PLCB4: variants seen among roughly 807,000 people sequenced by gnomAD.
PLCB4 encodes 1-phosphatidylinositol 4,5-bisphosphate phosphodiesterase beta-4.
Under a neutral mutation model 178.8 loss-of-function variants are expected in PLCB4, and 77 were observed. The observed-to-expected ratio is 0.43, with a 90% CI of 0.36 to 0.52. PLCB4 has a LOEUF of 0.52. PLCB4 is among the 20% of genes least tolerant of loss of function. The pLI is 0.00. For synonymous variants in PLCB4, 496 were observed against 490.8 expected (o/e 1.01, Z -0.14); for missense variants, 1,024 against 1,453.4 (o/e 0.70, Z 4.80).
intron 2 of PLCB4, among the ~76,000 whole-genome samples, chr20:9,164,865 G>A (rs2092944422): frequency 1.3e-5 from 2 of 152,132 alleles, no homozygotes; most frequent in African/African-American, 4.8e-5. Flanking sequence ...TGAGACTGAT[G>A]GAAACGTTTG....
intron 20 of PLCB4, among the ~76,000 whole-genome samples, chr20:9,403,074 A>G (rs1018443461): frequency 2.6e-5 from 4 of 152,180 alleles, no homozygotes; most frequent in African/African-American, 9.7e-5. Context: ...GGTTTGTGAC[A>G]TGTCAAGAGC....
intron 3 of PLCB4, among the ~76,000 whole-genome samples, chr20:9,257,523 C>T (rs1218846321): frequency 6.6e-6 from 1 of 152,158 alleles, no homozygotes; most frequent in Non-Finnish European, 1.5e-5. Context: ...ATTCTGAAAA[C>T]TGCAGTAAGA....
chr20:9,378,195 A>G, intron 12 of PLCB4, among the ~76,000 whole-genome samples: 1 of 151,960 alleles, frequency 6.6e-6, no homozygotes, highest in Non-Finnish European at 1.5e-5. Context: ...TCATTTTTTA[A>G]TTCATATGGA....
chr20:9,280,950 A>G (rs75981285), intron 3 of PLCB4, among the ~76,000 whole-genome samples: 1 of 117,952 alleles, frequency 8.5e-6, no homozygotes, highest in African/African-American at 4.2e-5. Context: ...CATCTGCTAC[A>G]AAAAAAAAAA....
intron 1 of PLCB4, among the ~76,000 whole-genome samples, chr20:9,076,048 C>T (rs1185927323): frequency 2.0e-5 from 3 of 152,072 alleles, no homozygotes; most frequent in Non-Finnish European, 4.4e-5. Context: ...ACATAGATTT[C>T]AGATTCTGAA....
At chr20:9,278,582 A>C (rs2094469073) in intron 3 of PLCB4, among the ~76,000 whole-genome samples, 1 of 152,076 alleles carries the variant, frequency 6.6e-6, no homozygotes, top group Non-Finnish European at 1.5e-5. Context: ...AACTCATGGC[A>C]TGCTTTACTA....
intron 2 of PLCB4, among the ~76,000 whole-genome samples, chr20:9,156,708 G>A (rs181908674): frequency 2.6e-5 from 4 of 152,164 alleles, no homozygotes; most frequent in African/African-American, 4.8e-5. Context: ...CAATCAGATC[G>A]TATTATCTGT....
chr20:9,285,194 A>G (rs1370572958), intron 3 of PLCB4, among the ~76,000 whole-genome samples: 2 of 151,610 alleles, frequency 1.3e-5, no homozygotes, highest in Non-Finnish European at 2.9e-5. Context: ...AGAAATTTTT[A>G]GCATTTTAAA....
chr20:9,201,239 A>C (rs941534347), intron 2 of PLCB4, among the ~76,000 whole-genome samples: 4 of 152,168 alleles, frequency 2.6e-5, no homozygotes, highest in Non-Finnish European at 4.4e-5. Flanking sequence ...TTTGCAATTA[A>C]ATTTAAACTA....
chr20:9,380,243 C>T (rs1178932666), intron 13 of PLCB4, 81 bp downstream of exon 13: 15 of 692,378 alleles, frequency 2.2e-5, no homozygotes, highest in Non-Finnish European at 4.9e-6. Flanking sequence ...TTAAAGGTAT[C>T]TGTAAATGCT....
At chr20:9,386,034 C>T (rs2037616628) in intron 14 of PLCB4, among the ~76,000 whole-genome samples, 1 of 152,230 alleles carries the variant, frequency 6.6e-6, no homozygotes, top group Admixed American at 6.5e-5. Context: ...TGGCAGACCA[C>T]TCGAGGTCAG....
chr20:9,138,238 G>A (rs1443784316), intron 2 of PLCB4, among the ~76,000 whole-genome samples: 1 of 152,058 alleles, frequency 6.6e-6, no homozygotes. Flanking sequence ...GTGGCCTTTG[G>A]AGAAATGCCT....
intron 3 of PLCB4, among the ~76,000 whole-genome samples, chr20:9,273,084 A>G (rs2147632893): frequency 6.6e-6 from 1 of 152,256 alleles, no homozygotes. Context: ...TATACTTATT[A>G]GAAAATAAAC....
At chr20:9,255,085 T>G (rs1380383265) in intron 3 of PLCB4, among the ~76,000 whole-genome samples, 1 of 152,204 alleles carries the variant, frequency 6.6e-6, no homozygotes, top group Non-Finnish European at 1.5e-5. Context: ...TATAGTGAAG[T>G]ATATCTAATT....
intron 21 of PLCB4, among the ~76,000 whole-genome samples, chr20:9,405,835 A>G (rs1476706394): frequency 6.6e-6 from 1 of 152,166 alleles, no homozygotes; most frequent in African/African-American, 2.4e-5. Context: ...TTTAGTAAGT[A>G]TTTATGGTTT....
chr20:9,209,679 A>G (rs1465036770), intron 2 of PLCB4, among the ~76,000 whole-genome samples: 1 of 152,138 alleles, frequency 6.6e-6, no homozygotes, highest in Non-Finnish European at 1.5e-5. Context: ...TTGTAAGCAC[A>G]TTATTTCTCT....
chr20:9,161,836 C>G (rs1486580704), intron 2 of PLCB4, among the ~76,000 whole-genome samples: 2 of 148,434 alleles, frequency 1.3e-5, no homozygotes, highest in African/African-American at 5.1e-5. Context: ...TGTTTGTTAC[C>G]TGGTGAATCA....
At chr20:9,362,122 G>T (rs921361437) in intron 7 of PLCB4, among the ~76,000 whole-genome samples, 11 of 152,182 alleles carry the variant, frequency 7.2e-5, no homozygotes, top group Admixed American at 7.2e-4. Flanking sequence ...ATGTCAATTT[G>T]CTACGAAGTG....
intron 2 of PLCB4, among the ~76,000 whole-genome samples, chr20:9,148,322 A>G (rs903497014): frequency 1.3e-5 from 2 of 152,118 alleles, no homozygotes; most frequent in African/African-American, 2.4e-5. Context: ...TGCAATCTTT[A>G]TATAGGAACA....
Sources: allele counts gnomAD v4.1 joint callset (sites outside exome capture counted in the v4.1 genomes callset), GRCh38; gene constraint gnomAD v4.1.1; transcripts MANE v1.5; gene names NCBI Gene and HGNC (gene_info 2026-07-23, HGNC 2026-07-21).